Variants in DCC observed in about 807,000 individuals in gnomAD.
DCC encodes the protein netrin receptor DCC.
Under a neutral mutation model 172.5 loss-of-function variants are expected in DCC, and 58 were observed. That is an observed-to-expected ratio of 0.34 (90% CI 0.27 to 0.42). The LOEUF is 0.42. Among genes scored for constraint, DCC ranks in the 10% least tolerant of loss-of-function variants. DCC has a pLI of 1.00. For missense variants in DCC, 1,740 were observed against 1,791.0 expected (o/e 0.97, Z 0.51); for synonymous variants, 709 against 644.5 (o/e 1.10, Z -1.52).
rs1470586796 is a variant in DCC at position 53,450,727 on chromosome 18, T to C, written c.3392+65T>C. On this transcript the variant is annotated intron_variant, in intron 23 of 28. Coordinates refer to ENST00000442544, the MANE Select transcript of DCC (RefSeq NM_005215.4). ...TCTTTTGGGGTTATATTTTTGATGG[T>C]CCTCTTTCTGCGTTCTTTCATAATT... 9.2e-6 allele frequency: 12 copies of C among 1,308,812 alleles called. 1 individual carries two copies. Among genetic ancestry groups the C allele is most frequent in the Middle Eastern group, 3.6e-4 (2 of 5,526 alleles). The allele number at this position is 1,308,812 out of a possible 1,614,324, so 81.1% of individuals were successfully genotyped here.
chr18:52,379,704 C>T (rs1024404780), intron 1 of DCC, among the ~76,000 whole-genome samples: 10 of 151,958 alleles, frequency 6.6e-5, no homozygotes, highest in East Asian at 1.9e-4. Flanking sequence ...TATTTAGCTT[C>T]GGCTTAGTTA....
At chr18:52,626,657 C>T (rs530525736) in intron 1 of DCC, among the ~76,000 whole-genome samples, 5 of 152,200 alleles carry the variant, frequency 3.3e-5, no homozygotes, top group South Asian at 2.1e-4. Flanking sequence ...GTTAGCCCTC[C>T]GTATCATGGG....
At chr18:52,761,024 A>G (rs999501381) in intron 2 of DCC, among the ~76,000 whole-genome samples, 2 of 152,228 alleles carry the variant, frequency 1.3e-5, no homozygotes, top group African/African-American at 4.8e-5. Context: ...TAAGCAGTCT[A>G]ATACATTGGT....
At chr18:52,932,725 TAGACTC>T (rs2040325130) in intron 5 of DCC, among the ~76,000 whole-genome samples, 2 of 152,084 alleles carry the variant, frequency 1.3e-5, no homozygotes, top group South Asian at 4.1e-4. Context: ...CTGAAGATGA[TAGACTC>T]AGAATATTTA....
intron 1 of DCC, among the ~76,000 whole-genome samples, chr18:52,729,450 G>C (rs1394073838): frequency 6.6e-6 from 1 of 152,034 alleles, no homozygotes; most frequent in Non-Finnish European, 1.5e-5. Flanking sequence ...GGTAGAGATG[G>C]GGTTTCACCA....
chr18:52,881,174 C>T (rs150555089), intron 2 of DCC, among the ~76,000 whole-genome samples: 220 of 152,146 alleles, frequency 1.4e-3, no homozygotes, highest in African/African-American at 5.1e-3. Context: ...AATGTTTATT[C>T]AAATCTTTTG....
At chr18:53,073,774 C>T (rs1441124301) in intron 7 of DCC, among the ~76,000 whole-genome samples, 2 of 151,770 alleles carry the variant, frequency 1.3e-5, no homozygotes, top group Non-Finnish European at 2.9e-5. Flanking sequence ...TCAGAAGAGT[C>T]AATCATGAAC....
Position 53,105,816 on chromosome 18 carries a change from C to T in DCC, c.1261+39650C>T, listed in dbSNP as rs143612512. On this transcript the variant is annotated intron_variant, in intron 7 of 28. Transcript: ENST00000442544. ...ATCAGTCTCTGACAATTTGTAGTCT[C>T]ATACCCTCACTTTCTGCCATCATGC... Among the ~76,000 whole-genome samples, 257 of 151,796 alleles carry T rather than the reference C, an allele frequency of 1.7e-3. 1 individual carries two copies. The highest frequency in any genetic ancestry group is 5.9e-3 in the African/African-American group (244 of 41,446).
chr18:52,568,300 A>G (rs1348066105), intron 1 of DCC, among the ~76,000 whole-genome samples: 2 of 152,164 alleles, frequency 1.3e-5, no homozygotes, highest in Non-Finnish European at 2.9e-5. Flanking sequence ...ATCACTCCAA[A>G]CTAGAAACAA....
chr18:52,920,938 T>G (rs773438275), intron 3 of DCC, among the ~76,000 whole-genome samples: 44 of 152,308 alleles, frequency 2.9e-4, no homozygotes, highest in Non-Finnish European at 4.0e-4. Context: ...CTATGTACTT[T>G]ATGATTCTAG....
chr18:53,131,899 A>G (rs2043659383), intron 7 of DCC, among the ~76,000 whole-genome samples: 1 of 149,186 alleles, frequency 6.7e-6, no homozygotes, highest in African/African-American at 2.4e-5. Context: ...GGATGATTTA[A>G]ATTTTACAGC....
intron 1 of DCC, among the ~76,000 whole-genome samples, chr18:52,606,212 G>A (rs897715652): frequency 6.6e-6 from 1 of 151,946 alleles, no homozygotes; most frequent in African/African-American, 2.4e-5. Context: ...ATGCATTTTG[G>A]TGAACACAAA....
intron 7 of DCC, among the ~76,000 whole-genome samples, chr18:53,157,077 C>A (rs2054749977): frequency 6.6e-6 from 1 of 152,168 alleles, no homozygotes; most frequent in East Asian, 1.9e-4. Flanking sequence ...CCTGAGCAGA[C>A]ATTTTTTTCC....
At chr18:52,927,276 T>A (rs1457267578) in intron 5 of DCC, among the ~76,000 whole-genome samples, 1 of 149,354 alleles carries the variant, frequency 6.7e-6, no homozygotes, top group African/African-American at 2.5e-5. Flanking sequence ...TATATACTTA[T>A]ATGTGTGTAT....
intron 1 of DCC, among the ~76,000 whole-genome samples, chr18:52,649,107 C>G (rs1279592447): frequency 6.6e-6 from 1 of 152,180 alleles, no homozygotes; most frequent in Non-Finnish European, 1.5e-5. Flanking sequence ...GGCGCGGTGG[C>G]TCACGCCTGT....
intron 2 of DCC, among the ~76,000 whole-genome samples, chr18:52,864,147 T>A (rs2039185417): frequency 6.6e-6 from 1 of 152,214 alleles, no homozygotes; most frequent in Admixed American, 6.5e-5. Flanking sequence ...CTCACTAGTT[T>A]AAAAGGGCAG....
At chr18:53,487,756 G>T (rs2045918407) in intron 26 of DCC, among the ~76,000 whole-genome samples, 3 of 152,050 alleles carry the variant, frequency 2.0e-5, no homozygotes, top group Admixed American at 1.3e-4. Flanking sequence ...GAATTAAAAG[G>T]CATCAAAGAT....
intron 21 of DCC, among the ~76,000 whole-genome samples, chr18:53,425,196 A>C (rs1910842461): frequency 6.6e-6 from 1 of 151,166 alleles, no homozygotes; most frequent in Admixed American, 6.6e-5. Context: ...CAAGGAAACT[A>C]TTTTTCATTC....
chr18:53,121,333 G>A (rs573129331), intron 7 of DCC, among the ~76,000 whole-genome samples: 2 of 152,008 alleles, frequency 1.3e-5, no homozygotes, highest in Admixed American at 6.6e-5. Flanking sequence ...ACTGTAAGCT[G>A]CATTTAATAG....
Sources: allele counts gnomAD v4.1 joint callset (sites outside exome capture counted in the v4.1 genomes callset), GRCh38; gene constraint gnomAD v4.1.1; transcripts MANE v1.5; gene names NCBI Gene and HGNC (gene_info 2026-07-23, HGNC 2026-07-21).